FMN1: variants seen among roughly 807,000 people sequenced by gnomAD.
The protein encoded by FMN1 is formin-1.
In FMN1, 110 loss-of-function variants were observed where a neutral mutation model predicts 132.4. The ratio of observed to expected loss-of-function variants is 0.83; its 90% CI spans 0.71 to 0.97. FMN1 has a LOEUF of 0.97. Among genes scored for constraint, FMN1 ranks in the 50% least tolerant of loss-of-function variants. The probability of loss-of-function intolerance (pLI) is 0.00; values close to 1 mark genes in which losing one functional copy is unlikely to be tolerated. For synonymous variants in FMN1, 722 were observed against 651.7 expected (o/e 1.11, Z -1.64); for missense variants, 1,792 against 1,705.3 (o/e 1.05, Z -0.90).
At chr15:32,952,045 G>C (rs1045194574) in intron 9 of FMN1, among the ~76,000 whole-genome samples, 57 of 152,270 alleles carry the variant, frequency 3.7e-4, no homozygotes, top group Admixed American at 1.3e-4. Context: ...AACTCTCTGT[G>C]CAGGTCTGTG....
Position 32,771,966 on chromosome 15 carries a change from G to A in FMN1, c.*2344C>T, listed in dbSNP as rs2056260894. Reference sequence around the variant, plus strand: ...ACATGATGCAGGGTTCAGAATAGGTGAGAATAATGAAGATTCTGCCATGGT... The same window carrying A: ...ACATGATGCAGGGTTCAGAATAGGTAAGAATAATGAAGATTCTGCCATGGT... On this transcript the variant is annotated 3_prime_UTR_variant, in exon 21 of 21. Transcript: ENST00000616417. 1 of 152,166 alleles carries A rather than the reference G, an allele frequency of 6.6e-6. No individual in the cohort carries two copies. The highest frequency in any genetic ancestry group is 1.5e-5 in the Non-Finnish European group (1 of 68,024). The allele number at this position is 152,166 out of a possible 1,614,324, so 9.4% of individuals were successfully genotyped here.
Position 33,153,791 on chromosome 15 carries a change from C to T in FMN1, c.1124G>A (p.Gly375Glu), listed in dbSNP as rs1387744049. The T allele has an allele frequency of 2.0e-6, 3 of 1,536,350 alleles. No homozygotes were observed. In the South Asian group the frequency reaches 3.6e-5, roughly 18 times the overall value. The change falls in exon 4 of 21, where the codon GGA (glycine) becomes GAA (glutamate). Residue 375 changes from glycine to glutamate, a missense_variant. Gly to Glu is a moderately conservative substitution (Grantham distance 98). Coordinates refer to ENST00000616417, the MANE Select transcript of FMN1 (RefSeq NM_001277313.2). Reference sequence around the variant, plus strand: ...GGAGCCATGAGCCCCAGCCTCAGCTCCCGGGAGGGTGAGCAAGTCGGCTTT... The same window carrying T: ...GGAGCCATGAGCCCCAGCCTCAGCTTCCGGGAGGGTGAGCAAGTCGGCTTT... The part of the protein sequence containing the change: ...VPKADLLTLP[G>E]AEAGAHGSRR...
chr15:32,805,485 T>C (rs2057647227), intron 17 of FMN1, among the ~76,000 whole-genome samples: 1 of 152,252 alleles, frequency 6.6e-6, no homozygotes, highest in Non-Finnish European at 1.5e-5. Context: ...TCTTCTGCTG[T>C]GCAGAAGCTC....
chr15:32,906,964 C>G (rs2060440833), intron 12 of FMN1, among the ~76,000 whole-genome samples: 1 of 152,082 alleles, frequency 6.6e-6, no homozygotes, highest in African/African-American at 2.4e-5. Context: ...CTGAGTAAAC[C>G]CAGAATTCTC....
chr15:33,054,556 T>C (rs1378270), intron 6 of FMN1, among the ~76,000 whole-genome samples: 1,948 of 152,318 alleles, frequency 0.013, 37 homozygotes, highest in African/African-American at 0.045. Context: ...TACTATTTCA[T>C]ACTGAGAAGC....
rs1431030942 is a variant in FMN1 at position 32,766,174 on chromosome 15, T to G, written c.*8136A>C. On this transcript the variant is annotated 3_prime_UTR_variant, in exon 21 of 21. Transcript: ENST00000616417. ...ACAGAAAAGCCTATGTTTTACCAGG[T>G]TAAATGGCTATTTAGGACATGCTTG... 1 of 152,204 alleles carries G rather than the reference T, an allele frequency of 6.6e-6. No individual in the cohort carries two copies. The highest frequency in any genetic ancestry group is 2.4e-5 in the African/African-American group (1 of 41,448). The allele number at this position is 152,204 out of a possible 1,614,324, so 9.4% of individuals were successfully genotyped here. A position where few individuals can be genotyped will look rare whatever the true frequency, so the allele number is the denominator to read the frequency against.
chr15:32,932,509 C>T (rs1206340500), intron 9 of FMN1, among the ~76,000 whole-genome samples: 2 of 152,158 alleles, frequency 1.3e-5, no homozygotes, highest in Non-Finnish European at 1.5e-5. Context: ...TAATGCTGTT[C>T]TCATAAAATG....
chr15:33,086,860 C>T (rs2038716066), intron 5 of FMN1, among the ~76,000 whole-genome samples: 1 of 152,190 alleles, frequency 6.6e-6, no homozygotes, highest in African/African-American at 2.4e-5. Flanking sequence ...ATGTTGAATG[C>T]TGTTCTAAAA....
At chr15:32,850,748 T>C (rs1233430250) in intron 17 of FMN1, among the ~76,000 whole-genome samples, 1 of 152,244 alleles carries the variant, frequency 6.6e-6, no homozygotes, top group Admixed American at 6.5e-5. Context: ...ATGTTGAAAA[T>C]CAGAATTACT....
At chr15:32,788,479 C>CA (rs2056954402) in intron 19 of FMN1, among the ~76,000 whole-genome samples, 1 of 152,126 alleles carries the variant, frequency 6.6e-6, no homozygotes, top group Non-Finnish European at 1.5e-5. Flanking sequence ...TGAGTCTCAC[C>CA]AAAAACTAGC....
chr15:32,787,624 G>A (rs1445630766), intron 19 of FMN1, among the ~76,000 whole-genome samples: 1 of 152,200 alleles, frequency 6.6e-6, no homozygotes, highest in Non-Finnish European at 1.5e-5. Flanking sequence ...GCTGAGGCAG[G>A]ACTGCTTGAG....
intron 8 of FMN1, among the ~76,000 whole-genome samples, chr15:32,967,934 T>C (rs2031396661): frequency 6.6e-6 from 1 of 152,224 alleles, no homozygotes; most frequent in Non-Finnish European, 1.5e-5. Context: ...AAGAGACAAC[T>C]TAAGATCTCT....
intron 17 of FMN1, among the ~76,000 whole-genome samples, chr15:32,806,835 A>T (rs1287585349): frequency 6.6e-6 from 1 of 152,136 alleles, no homozygotes; most frequent in Non-Finnish European, 1.5e-5. Flanking sequence ...GCTTCCGTAA[A>T]TAAAAGACCA....
chr15:33,082,123 G>A (rs536081896), intron 5 of FMN1, among the ~76,000 whole-genome samples: 2 of 148,798 alleles, frequency 1.3e-5, no homozygotes, highest in East Asian at 4.0e-4. Flanking sequence ...GTGTGTGTGT[G>A]TGTGTGTGTA....
At chr15:33,091,968 C>G (rs917733241) in intron 4 of FMN1, among the ~76,000 whole-genome samples, 7 of 152,174 alleles carry the variant, frequency 4.6e-5, no homozygotes, top group African/African-American at 1.2e-4. Flanking sequence ...CTTTCCTTTT[C>G]ATGTGCATAC....
intron 4 of FMN1, among the ~76,000 whole-genome samples, chr15:33,129,151 T>C (rs751467157): frequency 2.6e-5 from 4 of 152,210 alleles, no homozygotes; most frequent in Non-Finnish European, 4.4e-5. Flanking sequence ...CTCAATATTT[T>C]AAAGCTCAAT....
At chr15:32,984,141 A>T (rs1482195500) in intron 7 of FMN1, among the ~76,000 whole-genome samples, 1 of 152,082 alleles carries the variant, frequency 6.6e-6, no homozygotes, top group Non-Finnish European at 1.5e-5. Context: ...TTCTGCTTTT[A>T]TAAGAAAAAA....
chr15:32,854,390 T>C (rs745417622), intron 17 of FMN1, among the ~76,000 whole-genome samples: 3 of 152,238 alleles, frequency 2.0e-5, no homozygotes, highest in Non-Finnish European at 2.9e-5. Context: ...ACAGTAGACT[T>C]TTCTACCATA....
chr15:32,802,813 G>A (rs1176174255), intron 18 of FMN1, among the ~76,000 whole-genome samples: 1 of 152,156 alleles, frequency 6.6e-6, no homozygotes, highest in Non-Finnish European at 1.5e-5. Flanking sequence ...ACACAGACGT[G>A]CTAGTTTTAT....
Sources: gnomAD v4.1 joint callset for allele counts (sites outside exome capture counted in the v4.1 genomes callset) on GRCh38, gnomAD v4.1.1 for gene constraint, MANE v1.5 for transcripts, NCBI Gene and HGNC (gene_info 2026-07-23, HGNC 2026-07-21) for gene names.